PKHD1: variants seen among roughly 807,000 people sequenced by gnomAD.
PKHD1 encodes the protein fibrocystin.
In PKHD1, 291 loss-of-function variants were observed where a neutral mutation model predicts 412.0. The observed-to-expected ratio is 0.71, with a 90% confidence interval of 0.64 to 0.78. PKHD1 has a LOEUF of 0.78. Among genes scored for constraint, PKHD1 ranks in the 30% least tolerant of loss-of-function variants. The probability of loss-of-function intolerance (pLI) is 0.00; values close to 1 mark genes in which losing one functional copy is unlikely to be tolerated. For missense variants in PKHD1, 4,825 were observed against 4,950.7 expected, an observed-to-expected ratio of 0.97 and a Z score of 0.76; for synonymous variants, 1,777 against 1,821.5, an observed-to-expected ratio of 0.98 and a Z score of 0.62.
intron 53 of PKHD1, among the ~76,000 whole-genome samples, chr6:51,783,478 A>C (rs1792367167): frequency 1.3e-5 from 2 of 150,192 alleles, no homozygotes; most frequent in South Asian, 4.2e-4. Flanking sequence ...AAAAATATTA[A>C]AAGAAGATTT....
chr6:52,010,874 G>C (rs1799720041), intron 34 of PKHD1, among the ~76,000 whole-genome samples: 1 of 151,848 alleles, frequency 6.6e-6, no homozygotes, highest in African/African-American at 2.4e-5. Context: ...CTTAGTGTTG[G>C]GGGAGTAATT....
chr6:51,763,362 T>C (rs527974972), intron 55 of PKHD1, among the ~76,000 whole-genome samples: 4 of 152,242 alleles, frequency 2.6e-5, no homozygotes, highest in Admixed American at 6.6e-5. Flanking sequence ...TTAATGACTA[T>C]GGATAGTTTT....
rs767464690 is a variant in PKHD1, at chr6:51,909,401, G to T, written c.6564C>A (p.Ile2188=). 1.2e-6 allele frequency: 2 copies of T among 1,613,196 alleles called. No individual in the cohort carries two copies. Among genetic ancestry groups the T allele is most frequent in the African/African-American group, 2.7e-5 (2 of 74,946 alleles). ...TGGGCTCTTCTGGGAAGGACTGAACGATCACTCTGGCTCCCATATCCCTGG... is the reference window on the plus strand; with the variant it reads ...TGGGCTCTTCTGGGAAGGACTGAACTATCACTCTGGCTCCCATATCCCTGG... ...LGSRDMGARV[I]VQSFPEEPSQ... Residue 2188 remains isoleucine (I), a synonymous_variant, in exon 40 of 67, where the codon ATC becomes ATA. Transcript: ENST00000371117.
At chr6:51,859,523 C>A (rs1243781226) in intron 48 of PKHD1, among the ~76,000 whole-genome samples, 1 of 30,134 alleles carries the variant, frequency 3.3e-5, no homozygotes, top group African/African-American at 1.3e-4. Flanking sequence ...GAGATTCCGT[C>A]CCAAAAAAAA....
chr6:51,675,847 C>G (rs930022345), intron 60 of PKHD1, among the ~76,000 whole-genome samples: 8 of 152,156 alleles, frequency 5.3e-5, no homozygotes, highest in Non-Finnish European at 1.0e-4. Context: ...TGATAAAGTC[C>G]AGAAGCTCTT....
intron 27 of PKHD1, among the ~76,000 whole-genome samples, chr6:52,037,799 A>G (rs941433134): frequency 3.3e-5 from 5 of 152,206 alleles, no homozygotes; most frequent in African/African-American, 1.2e-4. Context: ...TTTAATGCAA[A>G]TAACCTCTTG....
intron 52 of PKHD1, among the ~76,000 whole-genome samples, chr6:51,828,749 T>C (rs1450915088): frequency 6.6e-6 from 1 of 151,432 alleles, no homozygotes; most frequent in Non-Finnish European, 1.5e-5. Flanking sequence ...AGGTGGAGAG[T>C]TCAGAGAGAG....
rs56342114 is a variant in PKHD1, at chr6:52,058,771, C to CTCTA, written c.1234-174_1234-171dup. On this transcript the variant is annotated intron_variant, in intron 15 of 66. Transcript: ENST00000371117. ...TGTGGTTATTTATGCTTCTCCAGCTCTCTATCTATCTATCTATCTATCTAT... is the reference window on the plus strand; with the variant it reads ...TGTGGTTATTTATGCTTCTCCAGCTCTCTATCTATCTATCTATCTATCTATCTAT... 0.26 allele frequency among the ~76,000 whole-genome samples: 39,410 copies of CTCTA among 149,114 alleles called. 5,348 individuals carry two copies. The highest frequency in any genetic ancestry group is 0.37 in the East Asian group (1,875 of 5,026).
Position 52,025,473 on chromosome 6 carries a change from C to A in PKHD1, c.4337G>T (p.Ser1446Ile). ...TCCAGGCAAGGGGTCACCCTCCAGG[C>A]TAACCTGGCAGAGAATGGTGTGGTC... ...LGDHTILCQV[S>I]LEGDPLPGAS... The change falls in exon 32 of 67, where the codon AGC (serine) becomes ATC (isoleucine). Residue 1446 changes from serine (S) to isoleucine (I), a missense_variant. Coordinates refer to ENST00000371117, the MANE Select transcript of PKHD1 (RefSeq NM_138694.4). 1.9e-6 allele frequency: 3 copies of A among 1,611,118 alleles called. No homozygotes were observed. The highest frequency in any genetic ancestry group is 2.5e-6 in the Non-Finnish European group (3 of 1,177,920).
intron 52 of PKHD1, among the ~76,000 whole-genome samples, chr6:51,828,920 CAG>C (rs1398325712): frequency 2.0e-5 from 3 of 152,078 alleles, no homozygotes; most frequent in Non-Finnish European, 4.4e-5. Context: ...TCATCAATCA[CAG>C]ATCATTTTTT....
At chr6:52,052,751 C>T (rs1807064500) in intron 21 of PKHD1, among the ~76,000 whole-genome samples, 1 of 152,052 alleles carries the variant, frequency 6.6e-6, no homozygotes, top group South Asian at 2.1e-4. Flanking sequence ...TAATCTTCAC[C>T]GTAATCTAAT....
At chr6:52,047,246 G>A (rs1292254131) in intron 23 of PKHD1, among the ~76,000 whole-genome samples, 1 of 152,128 alleles carries the variant, frequency 6.6e-6, no homozygotes, top group African/African-American at 2.4e-5. Flanking sequence ...CCTCATAGAG[G>A]CAGGGCACGA....
chr6:51,850,386 G>A (rs372001254), intron 49 of PKHD1, among the ~76,000 whole-genome samples: 16 of 152,252 alleles, frequency 1.1e-4, no homozygotes, highest in South Asian at 2.1e-4. Context: ...GGTCTTCTTC[G>A]ATTCCATGTG....
chr6:51,874,256 A>G (rs1158468140), intron 46 of PKHD1, among the ~76,000 whole-genome samples: 1 of 146,478 alleles, frequency 6.8e-6, no homozygotes, highest in African/African-American at 2.5e-5. Context: ...AAGTAGGGTG[A>G]CCGTAATTTA....
At chr6:51,627,145 T>C in intron 65 of PKHD1, 29 bp from the exon 66 acceptor site, 1 of 1,598,168 alleles carries the variant, frequency 6.3e-7, no homozygotes, top group Non-Finnish European at 8.5e-7. Flanking sequence ...AAAAGGATTT[T>C]TTTGTTCAGT....
chr6:51,696,069 C>T (rs1252359771), intron 60 of PKHD1, among the ~76,000 whole-genome samples: 1 of 152,180 alleles, frequency 6.6e-6, no homozygotes, highest in African/African-American at 2.4e-5. Flanking sequence ...ATAAAAACTT[C>T]TTCTAAGAAG....
intron 55 of PKHD1, among the ~76,000 whole-genome samples, chr6:51,759,582 AGAG>A (rs1787633272): frequency 6.6e-6 from 1 of 152,122 alleles, no homozygotes; most frequent in Non-Finnish European, 1.5e-5. Context: ...GTAAAAAAGT[AGAG>A]GAGGAGAGGA....
At chr6:51,989,568 A>G (rs753894736) in intron 35 of PKHD1, among the ~76,000 whole-genome samples, 9 of 152,108 alleles carry the variant, frequency 5.9e-5, no homozygotes, top group Non-Finnish European at 1.2e-4. Flanking sequence ...ATAAATTAAT[A>G]ATGGCATATT....
intron 66 of PKHD1, among the ~76,000 whole-genome samples, chr6:51,621,024 A>G (rs999027398): frequency 2.0e-5 from 3 of 152,116 alleles, no homozygotes; most frequent in Admixed American, 6.6e-5. Context: ...AGGTTACCCT[A>G]GTTTTCCTAA....
Sources: gnomAD v4.1 joint callset for allele counts (sites outside exome capture counted in the v4.1 genomes callset) on GRCh38, gnomAD v4.1.1 for gene constraint, MANE v1.5 for transcripts, NCBI Gene and HGNC (gene_info 2026-07-23, HGNC 2026-07-21) for gene names.